The following TENM4 variants were observed in gnomAD, a reference collection of about 807,000 sequenced individuals.
TENM4 encodes the protein teneurin-4.
A neutral mutation model predicts 243.3 loss-of-function variants in TENM4; 82 were observed. That is an observed-to-expected ratio of 0.34 (90% CI 0.28 to 0.40). The LOEUF (loss-of-function observed/expected upper bound fraction) is 0.40. Among genes scored for constraint, TENM4 ranks in the 10% least tolerant of loss-of-function variants. TENM4 has a pLI of 1.00. For synonymous variants in TENM4, 1,412 were observed against 1,456.3 expected (o/e 0.97, Z 0.69); for missense variants, 3,138 against 3,673.3 (o/e 0.85, Z 3.77).
chr11:79,402,128 G>C, intron 1 of TENM4: 1 of 356,660 alleles, frequency 2.8e-6, no homozygotes, highest in South Asian at 2.3e-5. Flanking sequence ...ACACACAGCA[G>C]TCCCTCGCCA....
chr11:79,032,915 G>A (rs1859283510), intron 6 of TENM4, among the ~76,000 whole-genome samples: 1 of 152,138 alleles, frequency 6.6e-6, no homozygotes, highest in South Asian at 2.1e-4. Flanking sequence ...ACTTGTCCAG[G>A]GAGAACATGC....
intron 17 of TENM4, among the ~76,000 whole-genome samples, chr11:78,773,608 T>C (rs533784614): frequency 2.6e-5 from 4 of 152,322 alleles, no homozygotes; most frequent in African/African-American, 9.6e-5. Context: ...ATAAATAGTT[T>C]AGGCCTGTGA....
chr11:78,726,552 C>T (rs190345728), intron 22 of TENM4, among the ~76,000 whole-genome samples: 14 of 152,284 alleles, frequency 9.2e-5, no homozygotes, highest in African/African-American at 3.4e-4. Context: ...CCAAATCTCA[C>T]GTTTAATTGT....
chr11:78,709,212 G>A lies in TENM4; in HGVS notation c.4055-697C>T, dbSNP rs1450581219. On this transcript the variant is annotated intron_variant, in intron 26 of 33. Transcript: ENST00000278550. ...ACTACTGACCTCAGGTGATCCACCC[G>A]CCTTGGCCTCCCAAAGTGCTAGGAT... Among the ~76,000 whole-genome samples, 10 of 148,190 alleles carry A rather than the reference G, an allele frequency of 6.7e-5. No individual in the cohort carries two copies. The South Asian group carries it at 2.1e-3, about 31-fold the overall frequency.
At chr11:79,138,196 G>T (rs1034337972) in intron 4 of TENM4, among the ~76,000 whole-genome samples, 6 of 149,076 alleles carry the variant, frequency 4.0e-5, no homozygotes, top group African/African-American at 1.5e-4. Flanking sequence ...CTCAAATATC[G>T]GACTCCAAAT....
intron 3 of TENM4, among the ~76,000 whole-genome samples, chr11:79,189,254 T>C (rs995881680): frequency 3.3e-5 from 5 of 152,216 alleles, no homozygotes; most frequent in African/African-American, 1.2e-4. Flanking sequence ...ATGTAACACA[T>C]GTAAACCCTC....
intron 1 of TENM4, among the ~76,000 whole-genome samples, chr11:79,408,747 A>G (rs1858625153): frequency 6.6e-6 from 1 of 152,190 alleles, no homozygotes; most frequent in African/African-American, 2.4e-5. Flanking sequence ...GATGTTAGAA[A>G]ATGGTGGCTG....
intron 6 of TENM4, among the ~76,000 whole-genome samples, chr11:78,933,373 A>C (rs1856713363): frequency 6.6e-6 from 1 of 152,208 alleles, no homozygotes; most frequent in African/African-American, 2.4e-5. Flanking sequence ...GGGAAATTAA[A>C]ATGCTGCATA....
rs191529427 is a variant in TENM4 at position 78,914,008 on chromosome 11, C to T, written c.494-10485G>A. Among the ~76,000 whole-genome samples the T allele has an allele frequency of 3.3e-4, 50 of 152,264 alleles. 1 individual carries two copies. The South Asian group carries it at 6.8e-3, about 21-fold the overall frequency. On this transcript the variant is annotated intron_variant, in intron 6 of 33. Transcript: ENST00000278550. The stretch of plus-strand genomic sequence containing the variant: ...TGTGTTTAGGAGTCCAGCTGAAAAA[C>T]GCTAAACGCCTTATAATGTCCAAGT...
At chr11:79,350,288 G>C (rs1857392505) in intron 1 of TENM4, among the ~76,000 whole-genome samples, 2 of 152,152 alleles carry the variant, frequency 1.3e-5, no homozygotes, top group Admixed American at 6.5e-5. Context: ...ACTGACCACT[G>C]CTAGGGATCA....
At chr11:79,174,776 A>G (rs1453827758) in intron 3 of TENM4, among the ~76,000 whole-genome samples, 1 of 152,076 alleles carries the variant, frequency 6.6e-6, no homozygotes, top group East Asian at 1.9e-4. Context: ...ATATTGCTAC[A>G]CCTCTCTCTA....
intron 4 of TENM4, among the ~76,000 whole-genome samples, chr11:79,143,869 C>G (rs1862342881): frequency 1.3e-5 from 2 of 151,732 alleles, no homozygotes; most frequent in Admixed American, 1.3e-4. Flanking sequence ...TAGAGAAACT[C>G]TCCAGGACAC....
chr11:78,851,780 T>C (rs1332642664), intron 12 of TENM4, among the ~76,000 whole-genome samples: 3 of 152,168 alleles, frequency 2.0e-5, no homozygotes, highest in Admixed American at 6.5e-5. Context: ...ACGGCCAGAC[T>C]GGGGCCTCTG....
chr11:79,158,438 C>A (rs1862668931), intron 3 of TENM4, among the ~76,000 whole-genome samples: 1 of 152,190 alleles, frequency 6.6e-6, no homozygotes, highest in African/African-American at 2.4e-5. Context: ...CAACTTATTT[C>A]TTCTCCCTGA....
intron 2 of TENM4, among the ~76,000 whole-genome samples, chr11:79,286,696 A>C (rs1856260313): frequency 6.6e-6 from 1 of 152,128 alleles, no homozygotes; most frequent in Admixed American, 6.5e-5. Context: ...TTTAAATAGA[A>C]GTGGAAATAA....
At chr11:79,007,915 C>T (rs617457) in intron 6 of TENM4, among the ~76,000 whole-genome samples, 30,257 of 152,126 alleles carry the variant, frequency 0.2, 3,490 homozygotes, top group Non-Finnish European at 0.27. Flanking sequence ...TGACTTGATG[C>T]CTGGAGTTCT....
chr11:78,771,173 C>T, intron 17 of TENM4, 35 bp from the exon 18 acceptor site: 1 of 1,553,032 alleles, frequency 6.4e-7, no homozygotes. Flanking sequence ...GGTCTGATCA[C>T]CCAGAGTCAA....
At chr11:78,986,467 G>A (rs1857920707) in intron 6 of TENM4, among the ~76,000 whole-genome samples, 1 of 152,216 alleles carries the variant, frequency 6.6e-6, no homozygotes, top group Non-Finnish European at 1.5e-5. Flanking sequence ...GGTGGCTTTT[G>A]CCCAGGTTCT....
chr11:79,340,366 G>C (rs1450037959), intron 1 of TENM4, among the ~76,000 whole-genome samples: 1 of 152,064 alleles, frequency 6.6e-6, no homozygotes, highest in East Asian at 1.9e-4. Flanking sequence ...TTTGGTGCTG[G>C]CAGAGAAGGC....
Sources: allele counts gnomAD v4.1 joint callset (sites outside exome capture counted in the v4.1 genomes callset), GRCh38; gene constraint gnomAD v4.1.1; transcripts MANE v1.5; gene names NCBI Gene and HGNC (gene_info 2026-07-23, HGNC 2026-07-21).